ATP11C: variants seen among roughly 807,000 people sequenced by gnomAD.
ATP11C encodes ATPase phospholipid transporting 11C (ATP11C blood group).
Under a neutral mutation model 97.4 loss-of-function variants are expected in ATP11C, and 36 were observed. The ratio of observed to expected loss-of-function variants is 0.37; its 90% CI spans 0.28 to 0.49. ATP11C has a LOEUF of 0.49. Ranked by LOEUF, ATP11C falls within the 20% of genes least tolerant of loss-of-function variation. ATP11C has a pLI of 0.98. For synonymous variants in ATP11C, 275 were observed against 290.9 expected (o/e 0.95, Z 0.56); for missense variants, 730 against 824.6 (o/e 0.89, Z 1.40).
chrX:139,828,502 T>C (rs2083577320), intron 1 of ATP11C, among the ~76,000 whole-genome samples: 1 of 111,496 alleles, frequency 9.0e-6, no homozygotes. Context: ...CCACCTTCTG[T>C]TGCAGGTTAA....
intron 18 of ATP11C, among the ~76,000 whole-genome samples, chrX:139,780,889 T>C (rs1359714331): frequency 9.0e-6 from 1 of 111,299 alleles, no homozygotes; most frequent in African/African-American, 3.3e-5. Flanking sequence ...CACATGGACA[T>C]AAAAATGGAA....
upstream of ATP11C, among the ~76,000 whole-genome samples, chrX:139,933,634 A>G (rs1392257483): frequency 8.9e-6 from 1 of 112,229 alleles, no homozygotes; most frequent in East Asian, 2.8e-4. Flanking sequence ...GGGAGTTCAG[A>G]GACTCTTACA....
intron 1 of ATP11C, among the ~76,000 whole-genome samples, chrX:139,873,706 CAAAAAAAAAAAAA>C (rs58064711): frequency 4.0e-4 from 7 of 17,319 alleles, no homozygotes; most frequent in Non-Finnish European, 9.1e-4. Flanking sequence ...GACTCCAACT[CAAAAAAAAAAAAA>C]AAAAAAAAAG....
At chrX:139,828,076 T>C (rs2083568504) in intron 1 of ATP11C, among the ~76,000 whole-genome samples, 2 of 111,693 alleles carry the variant, frequency 1.8e-5, no homozygotes, top group African/African-American at 6.5e-5. Flanking sequence ...TAGAAGAGAT[T>C]CAGGCTGTAT....
chrX:139,880,334 T>G (rs1199223651), intron 1 of ATP11C, among the ~76,000 whole-genome samples: 1 of 111,827 alleles, frequency 8.9e-6, no homozygotes, highest in Non-Finnish European at 1.9e-5. Context: ...ATAGTGAGTA[T>G]GAGATGTCTT....
chrX:139,828,553 T>C (rs1292862586), intron 1 of ATP11C, among the ~76,000 whole-genome samples: 1 of 112,036 alleles, frequency 8.9e-6, no homozygotes, highest in Admixed American at 9.5e-5. Flanking sequence ...ACTCTTATAA[T>C]GTACCAATTT....
chrX:139,826,780 A>G lies in ATP11C; in HGVS notation c.71T>C (p.Val24Ala), dbSNP rs956360939. The G allele has an allele frequency of 3.3e-6, 4 of 1,207,299 alleles. No individual in the cohort carries two copies. Among genetic ancestry groups the G allele is most frequent in the Admixed American group, 2.2e-5 (1 of 45,662 alleles). Residue 24 changes from valine to alanine, a missense_variant, in exon 2 of 30, where the codon GTT becomes GCT. Val to Ala is a moderately conservative substitution (Grantham distance 64, BLOSUM62 0). Coordinates refer to ENST00000682941, the MANE Select transcript of ATP11C (RefSeq NM_001353812.2). Reference protein sequence around the residue: ...EKRVGTRTVFVGNHPVSETEA... With the variant: ...EKRVGTRTVFAGNHPVSETEA... ...TGTTTCCGAAACTGGATGATTGCCA[A>G]CAAACACTGTGCGTGTGCCAACTCG... is the stretch of plus-strand genomic sequence containing the variant.
intron 1 of ATP11C, among the ~76,000 whole-genome samples, chrX:139,827,213 T>C (rs1160254709): frequency 8.9e-6 from 1 of 112,192 alleles, no homozygotes; most frequent in Non-Finnish European, 1.9e-5. Context: ...ATTATGCAAC[T>C]ACTGAGGACA....
intron 13 of ATP11C, 122 bp downstream of exon 13, chrX:139,789,202 CAAA>C: frequency 7.2e-6 from 3 of 417,742 alleles, no homozygotes; most frequent in East Asian, 1.0e-4. Context: ...GACTCCATCT[CAAA>C]AAAAAAAAAC....
At chrX:139,764,754 C>A (rs1301545889) in intron 20 of ATP11C, among the ~76,000 whole-genome samples, 1 of 111,884 alleles carries the variant, frequency 8.9e-6, no homozygotes, top group Non-Finnish European at 1.9e-5. Flanking sequence ...GTACAAAAAA[C>A]CCCACATCCA....
At chrX:139,865,181 A>C (rs891788956) in intron 1 of ATP11C, among the ~76,000 whole-genome samples, 11 of 111,376 alleles carry the variant, frequency 9.9e-5, no homozygotes, top group Admixed American at 9.6e-4. Context: ...CAAGACCAAC[A>C]TGGCAAGACC....
In ATP11C at chrX:139,807,569, T is replaced by C. The variant is rs907236490; in HGVS notation, c.427-2970A>G. Among the ~76,000 whole-genome samples the C allele has an allele frequency of 7.2e-5, 8 of 111,394 alleles. No individual in the cohort carries two copies. The East Asian group carries it at 1.4e-3, about 20-fold the overall frequency. On this transcript the variant is annotated intron_variant, in intron 5 of 29. Transcript: ENST00000682941. Reference sequence around the variant, plus strand: ...AACACAAGCAAAAAATGAGCCATCATTGAAAGATAAAGCAGTCCATGAAAC... The same window carrying C: ...AACACAAGCAAAAAATGAGCCATCACTGAAAGATAAAGCAGTCCATGAAAC...
chrX:139,782,642 T>A lies in ATP11C; in HGVS notation c.1857A>T (p.Lys619Asn), dbSNP rs2082486937. 1.7e-6 allele frequency: 2 copies of A among 1,204,243 alleles called. No homozygotes were observed. Among genetic ancestry groups the A allele is most frequent in the Admixed American group, 2.2e-5 (1 of 45,871 alleles). ...TTTCTTCTCTGTCTTGTAAGGCCAT[T>A]TTTGCCTCTATGAGCTGTCTGTTAA... is the stretch of plus-strand genomic sequence containing the variant. ...ERINRQLIEA[K>N]MALQDREEKM... The change falls in exon 18 of 30, where the codon AAA becomes AAT. Residue 619 changes from lysine to asparagine, a missense_variant. Physicochemically the swap from Lys to Asn is moderately conservative, Grantham distance 94. Coordinates refer to ENST00000682941, the MANE Select transcript of ATP11C (RefSeq NM_001353812.2).
chrX:139,816,986 C>A, intron 3 of ATP11C, 43 bp from the exon 4 acceptor site: 1 of 919,302 alleles, frequency 1.1e-6, no homozygotes. Flanking sequence ...GAAAATTTGT[C>A]ATTAACTCAT....
At position 139,726,481 on chromosome X, in the gene ATP11C, T is replaced by G. The variant is rs1316351157; in HGVS notation, c.*2485A>C. 8.9e-6 allele frequency: 1 copy of G among 112,668 alleles called. No individual in the cohort carries two copies. Among genetic ancestry groups the G allele is most frequent in the African/African-American group, 3.2e-5 (1 of 30,977 alleles). The allele number at this position is 112,668 out of a possible 1,213,427, so 9.3% of individuals were successfully genotyped here. ...AACAACGTAGATGTAAAAAACTGCT[T>G]AAGTGAAAAATGTAATATTGCAGTC... On this transcript the variant is annotated 3_prime_UTR_variant, in exon 30 of 30. Transcript: ENST00000682941.
intron 6 of ATP11C, 91 bp from the exon 7 acceptor site, chrX:139,802,430 T>C (rs2082946657): frequency 5.9e-6 from 3 of 505,837 alleles, no homozygotes; most frequent in Non-Finnish European, 1.0e-5. Context: ...ATTTAGTTTA[T>C]GTTTTAGTAA....
At chrX:139,922,064 G>A (rs1431644430) in intron 1 of ATP11C, among the ~76,000 whole-genome samples, 5 of 105,180 alleles carry the variant, frequency 4.8e-5, no homozygotes, top group African/African-American at 1.7e-4. Flanking sequence ...AATTAGCCAG[G>A]TGTGGTGGCA....
intron 17 of ATP11C, 100 bp downstream of exon 17, chrX:139,783,064 A>G: frequency 1.7e-6 from 1 of 596,036 alleles, no homozygotes; most frequent in South Asian, 4.2e-5. Context: ...AAATAAGCTA[A>G]AATGTATTTA....
intron 1 of ATP11C, among the ~76,000 whole-genome samples, chrX:139,829,530 G>A (rs144144890): frequency 1.2e-3 from 132 of 111,608 alleles, no homozygotes; most frequent in Non-Finnish European, 2.2e-3. Context: ...CCATTTGGAT[G>A]GCACGCAGTG....
Sources: gnomAD v4.1 joint callset for allele counts (sites outside exome capture counted in the v4.1 genomes callset) on GRCh38, gnomAD v4.1.1 for gene constraint, MANE v1.5 for transcripts, NCBI Gene and HGNC (gene_info 2026-07-23, HGNC 2026-07-21) for gene names.